Variants in DGAT1 observed in about 807,000 individuals in gnomAD.
DGAT1 encodes the protein ACAT related gene product 1.
In DGAT1, 60 loss-of-function variants were observed where a neutral mutation model predicts 72.6. That is an observed-to-expected ratio of 0.83 (90% CI 0.67 to 1.02). The LOEUF is 1.02. Ranked by LOEUF, DGAT1 falls within the 50% of genes least tolerant of loss-of-function variation. DGAT1 has a pLI of 0.00. For synonymous variants in DGAT1, 290 were observed against 267.5 expected (o/e 1.08, Z -0.82); for missense variants, 592 against 670.0 (o/e 0.88, Z 1.29).
At chr8:144,321,527 A>C in intron 1 of DGAT1, 119 bp from the exon 2 acceptor site, 1 of 894,458 alleles carries the variant, frequency 1.1e-6, no homozygotes. Context: ...CTCCTTATTT[A>C]CAACCAGGAG....
rs1564630721 is a variant in DGAT1 at position 144,317,326 on chromosome 8, C to CGG, written c.1094+6_1094+7insCC. On this transcript the variant is annotated splice_region_variant and intron_variant, in intron 13 of 16. Coordinates refer to ENST00000528718, the MANE Select transcript of DGAT1 (RefSeq NM_012079.6). ...CCAGCCCCCAGGGACACCCCAGGGA[C>CGG]ACTCACCACCAGTCCCGGTAGAACT... 1.2e-6 allele frequency: 2 copies of CGG among 1,613,574 alleles called. No individual in the cohort carries two copies. The highest frequency in any genetic ancestry group is 2.2e-5 in the South Asian group (2 of 91,080).
intron 1 of DGAT1, 60 bp from the exon 2 acceptor site, chr8:144,321,468 G>A (rs782410888): frequency 1.4e-4 from 211 of 1,480,538 alleles, no homozygotes; most frequent in Non-Finnish European, 1.9e-4. Flanking sequence ...CGCCACCCCC[G>A]CAGGATCCAG....
At position 144,316,264 on chromosome 8, in the gene DGAT1, C is replaced by T; in HGVS notation, c.*290G>A. ...GGGTGTGGCCATACCCCCCACCAGG[C>T]CCCAGGCCCCTGGCAGGCTGAAGAG... On this transcript the variant is annotated 3_prime_UTR_variant, in exon 17 of 17. Transcript: ENST00000528718. 1 of 400,626 alleles carries T rather than the reference C, an allele frequency of 2.5e-6. No individual in the cohort carries two copies. 24.8% of individuals were successfully genotyped at this position (400,626 alleles called of 1,614,324 possible).
Position 144,318,106 on chromosome 8 carries a change from A to G in DGAT1, c.740T>C (p.Leu247Pro). 6.5e-7 allele frequency: 1 copy of G among 1,534,762 alleles called. No individual in the cohort carries two copies. Among genetic ancestry groups the G allele is most frequent in the Non-Finnish European group, 8.8e-7 (1 of 1,141,246 alleles). ...APHTVSYPDN[L>P]TYRDLYYFLF... The stretch of plus-strand genomic sequence containing the variant: ...ACAGAGGTCCTCACCGCGGTAGGTC[A>G]GATTGTCCGGGTAGCTCACGGTGTG... The change falls in exon 8 of 17, where the codon CTG becomes CCG. Residue 247 changes from leucine to proline, a missense_variant. Transcript: ENST00000528718.
At position 144,317,832 on chromosome 8, in the gene DGAT1, A is replaced by G. The variant is rs375938839; in HGVS notation, c.856-10T>C. 1.4e-5 allele frequency: 22 copies of G among 1,609,920 alleles called. No homozygotes were observed. The East Asian group carries it at 2.9e-4, about 21-fold the overall frequency. On this transcript the variant is annotated splice_polypyrimidine_tract_variant and intron_variant, in intron 9 of 16. Coordinates refer to ENST00000528718, the MANE Select transcript of DGAT1 (RefSeq NM_012079.6). The stretch of plus-strand genomic sequence containing the variant: ...GCTGGGTGAAGAACAGCTGGGGGGG[A>G]AACAGAGAGCAGCCAGCTGAGGCCC...
In DGAT1 at chr8:144,315,106, G is replaced by GAGGA; in HGVS notation, c.*1444_*1447dup. ...TTAGGGTTCTCCACTCAGCCTGGTG[G>GAGGA]AGGAAGGGAAGGGGGCCTGCGCTGG... On this transcript the variant is annotated 3_prime_UTR_variant, in exon 17 of 17. Coordinates refer to ENST00000528718, the MANE Select transcript of DGAT1 (RefSeq NM_012079.6). 5.1e-6 allele frequency: 5 copies of GAGGA among 985,530 alleles called. No individual in the cohort carries two copies. The highest frequency in any genetic ancestry group is 6.0e-6 in the Non-Finnish European group (5 of 829,972). 61.0% of individuals were successfully genotyped at this position (985,530 alleles called of 1,614,324 possible).
At chr8:144,319,004 G>C in intron 3 of DGAT1, 24 bp downstream of exon 3, 1 of 1,558,572 alleles carries the variant, frequency 6.4e-7, no homozygotes, top group Non-Finnish European at 8.7e-7. Flanking sequence ...TGGGGCAGGG[G>C]TGGGACCTGG....
chr8:144,318,275 G>C lies in DGAT1; in HGVS notation c.662C>G (p.Ala221Gly). ...CAGCCCCTCACCAGCCTTGGCCCTG[G>C]CCCTGCGGCACCATGAGTTGACGTC... is the stretch of plus-strand genomic sequence containing the variant. The part of the protein sequence containing the change: ...YRDVNSWCRR[A>G]RAKAASAGKK... The change falls in exon 7 of 17, where the codon GCC (alanine) becomes GGC (glycine). Residue 221 changes from alanine (A) to glycine (G), a missense_variant. By Grantham distance (60) the Ala-to-Gly change is moderately conservative. Transcript: ENST00000528718. 1.9e-6 allele frequency: 3 copies of C among 1,612,748 alleles called. No homozygotes were observed. The highest frequency in any genetic ancestry group is 2.5e-6 in the Non-Finnish European group (3 of 1,179,842).
At chr8:144,324,260 A>T (rs1817537978) in intron 1 of DGAT1, among the ~76,000 whole-genome samples, 1 of 151,902 alleles carries the variant, frequency 6.6e-6, no homozygotes, top group African/African-American at 2.4e-5. Context: ...GAGCTCAAGG[A>T]GTAATGAGGA....
At chr8:144,325,243 C>G (rs998539185) in intron 1 of DGAT1, among the ~76,000 whole-genome samples, 6 of 152,048 alleles carry the variant, frequency 3.9e-5, no homozygotes, top group Non-Finnish European at 7.4e-5. Context: ...GCAAGCACCC[C>G]TCTCAGGAGG....
Position 144,318,754 on chromosome 8 carries a change from G to A in DGAT1, c.416-3C>T, listed in dbSNP as rs1214080803. On this transcript the variant is annotated splice_region_variant and splice_polypyrimidine_tract_variant and intron_variant, in intron 4 of 16. Coordinates refer to ENST00000528718, the MANE Select transcript of DGAT1 (RefSeq NM_012079.6). ...AGCCACAGCAAAGACATTGGCCGCT[G>A]TGGACAGAAGCACCAAGGGGCAGGT... is the stretch of plus-strand genomic sequence containing the variant. 17 of 1,606,874 alleles carry A rather than the reference G, an allele frequency of 1.1e-5. No homozygotes were observed. Among genetic ancestry groups the A allele is most frequent in the African/African-American group, 2.7e-5 (2 of 74,874 alleles).
chr8:144,326,115 C>G (rs1817587580), intron 1 of DGAT1, among the ~76,000 whole-genome samples: 1 of 152,168 alleles, frequency 6.6e-6, no homozygotes, highest in Admixed American at 6.5e-5. Context: ...TAAGGGGACA[C>G]TGTCCAGGGC....
chr8:144,317,489 CCCA>C (rs1240971541), intron 12 of DGAT1, 44 bp from the exon 13 acceptor site: 8 of 1,613,588 alleles, frequency 5.0e-6, no homozygotes, highest in African/African-American at 4.0e-5. Context: ...AGAACCTTCC[CCCA>C]CATGCCACTG....
rs1817601543 is a variant in DGAT1, at chr8:144,326,606, T to G, written c.31A>C (p.Arg11=). Residue 11 remains arginine (R), a synonymous_variant, in exon 1 of 17, where the codon AGG becomes CGG. Transcript: ENST00000528718. ...TGGCTCGAGGGCCGCGACCCTGTCC[T>G]CCGGCGCCGGGAGCTGCCGCGGTCG... MGDRGSSRRR[R]TGSRPSSHGG... 3 of 1,213,766 alleles carry G rather than the reference T, an allele frequency of 2.5e-6. No individual in the cohort carries two copies. The highest frequency in any genetic ancestry group is 3.1e-6 in the Non-Finnish European group (3 of 976,366). 75.2% of individuals were successfully genotyped at this position (1,213,766 alleles called of 1,614,324 possible).
At chr8:144,318,404 G>A (rs200669277) in intron 6 of DGAT1, 42 bp from the exon 7 acceptor site, 205 of 1,608,912 alleles carry the variant, frequency 1.3e-4, no homozygotes, top group African/African-American at 4.0e-4. Context: ...CGCCACAGCC[G>A]GAGGCCATGC....
chr8:144,320,474 G>A (rs1439410881), intron 2 of DGAT1, among the ~76,000 whole-genome samples: 1 of 152,202 alleles, frequency 6.6e-6, no homozygotes, highest in Non-Finnish European at 1.5e-5. Flanking sequence ...TGTGCGTGGA[G>A]CCCCTTCCAC....
At position 144,319,020 on chromosome 8, in the gene DGAT1, G is replaced by A. The variant is rs868912939; in HGVS notation, c.329+8C>T. The A allele has an allele frequency of 3.0e-5, 46 of 1,558,658 alleles. No homozygotes were observed. The African/African-American group carries it at 5.3e-4, about 18-fold the overall frequency. The stretch of plus-strand genomic sequence containing the variant: ...GGGGCAGGGGTGGGACCTGGCAAAG[G>A]CACTCACTTGATGAGGTTCTCCAGA... On this transcript the variant is annotated splice_region_variant and intron_variant, in intron 3 of 16. Transcript: ENST00000528718.
At position 144,315,380 on chromosome 8, in the gene DGAT1, TCA is replaced by T; in HGVS notation, c.*1172_*1173del. The T allele has an allele frequency of 4.1e-6, 4 of 985,408 alleles. No individual in the cohort carries two copies. The highest frequency in any genetic ancestry group is 4.8e-6 in the Non-Finnish European group (4 of 829,936). 61.0% of individuals were successfully genotyped at this position (985,408 alleles called of 1,614,324 possible). On this transcript the variant is annotated 3_prime_UTR_variant, in exon 17 of 17. Transcript: ENST00000528718. ...ACCACCAAGGGAGCCCACCCTCCCCTCACACCACCAGTTCAGCAGGTTGCTGA... is the reference window on the plus strand; with the variant it reads ...ACCACCAAGGGAGCCCACCCTCCCCTCACCACCAGTTCAGCAGGTTGCTGA...
chr8:144,321,459 G>A (rs781995301), intron 1 of DGAT1, 51 bp from the exon 2 acceptor site: 102 of 1,542,880 alleles, frequency 6.6e-5, no homozygotes, highest in Middle Eastern at 1.7e-4. Flanking sequence ...GCAGGGCAGC[G>A]CCACCCCCGC....
Sources: allele counts gnomAD v4.1 joint callset (sites outside exome capture counted in the v4.1 genomes callset), GRCh38; gene constraint gnomAD v4.1.1; transcripts MANE v1.5; gene names NCBI Gene and HGNC (gene_info 2026-07-23, HGNC 2026-07-21).